The following MAGI2 variants were observed in gnomAD, a reference collection of about 807,000 sequenced individuals.
MAGI2 encodes the protein membrane-associated guanylate kinase, WW and PDZ domain-containing protein 2.
MAGI2 carries 35 observed loss-of-function variants against 133.3 expected under a neutral mutation model. The ratio of observed to expected loss-of-function variants is 0.26; its 90% confidence interval spans 0.20 to 0.35. The LOEUF (loss-of-function observed/expected upper bound fraction) is 0.35, where lower values mean the gene tolerates loss of function less well. Among genes scored for constraint, MAGI2 ranks in the 10% least tolerant of loss-of-function variants. The pLI is 1.00. For synonymous variants in MAGI2, 729 were observed against 710.6 expected (o/e 1.03, Z -0.41); for missense variants, 1,636 against 1,863.4 (o/e 0.88, Z 2.25).
chr7:78,372,599 A>G (rs1294769943), intron 6 of MAGI2, among the ~76,000 whole-genome samples: 2 of 152,198 alleles, frequency 1.3e-5, no homozygotes, highest in African/African-American at 4.8e-5. Context: ...TTAATGTTGC[A>G]TTAAGAACTG....
chr7:79,253,805 T>C (rs900132404), intron 1 of MAGI2, among the ~76,000 whole-genome samples: 4 of 152,214 alleles, frequency 2.6e-5, no homozygotes, highest in Admixed American at 2.6e-4. Context: ...ATTCATGTTG[T>C]ATTCAAAGTG....
chr7:78,573,823 G>T (rs1801989777), intron 3 of MAGI2, among the ~76,000 whole-genome samples: 1 of 151,990 alleles, frequency 6.6e-6, no homozygotes, highest in Admixed American at 6.6e-5. Context: ...CAAGTACCCG[G>T]AGCTATTTGC....
At chr7:78,622,115 A>G (rs1807809058) in intron 3 of MAGI2, among the ~76,000 whole-genome samples, 1 of 152,030 alleles carries the variant, frequency 6.6e-6, no homozygotes, top group South Asian at 2.1e-4. Context: ...CAATTTTGGA[A>G]GCATTTCAGA....
chr7:78,430,265 T>TC (rs60319179), intron 6 of MAGI2, among the ~76,000 whole-genome samples: 2 of 144,094 alleles, frequency 1.4e-5, no homozygotes, highest in Admixed American at 7.0e-5. Context: ...TTTTTTTTTT[T>TC]AATAAGAGGG....
At chr7:78,454,595 T>C (rs6466222) in intron 6 of MAGI2, among the ~76,000 whole-genome samples, 50,426 of 152,072 alleles carry the variant, frequency 0.33, 10,892 homozygotes, top group African/African-American at 0.63. Context: ...TCAAAACTTA[T>C]GTCCACACAA....
At chr7:78,098,359 A>C (rs1197085002) in intron 20 of MAGI2, among the ~76,000 whole-genome samples, 1 of 152,172 alleles carries the variant, frequency 6.6e-6, no homozygotes, top group African/African-American at 2.4e-5. Context: ...TACATATGTG[A>C]TTCTGCAACT....
chr7:79,228,922 C>G (rs1831116565), intron 1 of MAGI2, among the ~76,000 whole-genome samples: 1 of 152,102 alleles, frequency 6.6e-6, no homozygotes, highest in Non-Finnish European at 1.5e-5. Flanking sequence ...CCTGCTTTGT[C>G]TACCCAACAC....
At chr7:79,072,072 G>A (rs1815041301) in intron 1 of MAGI2, among the ~76,000 whole-genome samples, 1 of 152,112 alleles carries the variant, frequency 6.6e-6, no homozygotes, top group South Asian at 2.1e-4. Flanking sequence ...TGTGCTTCCA[G>A]GGTGATGCGA....
In MAGI2 at chr7:78,168,072, C is replaced by G. The variant is rs369496058; in HGVS notation, c.2440G>C (p.Asp814His). The G allele has an allele frequency of 4.3e-6, 7 of 1,614,014 alleles. No homozygotes were observed. Among genetic ancestry groups the G allele is most frequent in the Non-Finnish European group, 5.1e-6 (6 of 1,179,992 alleles). ...IGAVIAMGSA[D>H]RDGRLHPGDE... ...CCTGGGTGAAGGCGGCCATCTCTGT[C>G]GGCTGAGCCCATGGCAATGACAGCT... Residue 814 changes from aspartate to histidine, a missense_variant, in exon 15 of 22, where the codon GAC becomes CAC. Asp to His is a moderately conservative substitution (Grantham distance 81). Coordinates refer to ENST00000354212, the MANE Select transcript of MAGI2 (RefSeq NM_012301.4).
intron 2 of MAGI2, among the ~76,000 whole-genome samples, chr7:78,664,535 C>A (rs1013521278): frequency 2.6e-5 from 4 of 151,818 alleles, no homozygotes; most frequent in African/African-American, 9.7e-5. Context: ...TAGCTTTATG[C>A]ACTAGTATGT....
At chr7:78,034,283 G>A (rs553512702) in intron 21 of MAGI2, among the ~76,000 whole-genome samples, 2 of 152,142 alleles carry the variant, frequency 1.3e-5, no homozygotes, top group African/African-American at 2.4e-5. Flanking sequence ...GAAAAAAGAC[G>A]AAAGGTGCTA....
chr7:78,080,700 C>T (rs1324273011), intron 20 of MAGI2, among the ~76,000 whole-genome samples: 3 of 152,240 alleles, frequency 2.0e-5, no homozygotes, highest in African/African-American at 7.2e-5. Context: ...ACCTCATTGT[C>T]TGTCCAACAG....
intron 14 of MAGI2, chr7:78,170,824 T>C (rs1482691841): frequency 6.6e-6 from 1 of 151,520 alleles, no homozygotes; most frequent in African/African-American, 2.4e-5. Context: ...ATTATATGTA[T>C]ATATTATTAT....
chr7:78,233,493 A>T (rs753232792), intron 10 of MAGI2, among the ~76,000 whole-genome samples: 1 of 152,152 alleles, frequency 6.6e-6, no homozygotes, highest in Non-Finnish European at 1.5e-5. Context: ...AGGAAGTCAG[A>T]TGTTAAGTAA....
chr7:78,625,070 T>C (rs1808198862), intron 3 of MAGI2, among the ~76,000 whole-genome samples: 1 of 152,146 alleles, frequency 6.6e-6, no homozygotes, highest in Admixed American at 6.6e-5. Flanking sequence ...AAGACAGTGA[T>C]ACTGATGATC....
intron 16 of MAGI2, among the ~76,000 whole-genome samples, chr7:78,147,132 C>T (rs1397122849): frequency 6.6e-6 from 1 of 152,154 alleles, no homozygotes; most frequent in African/African-American, 2.4e-5. Context: ...GTTCCACTAA[C>T]AGTGTATACA....
intron 3 of MAGI2, among the ~76,000 whole-genome samples, chr7:78,591,910 A>G (rs924216583): frequency 6.6e-6 from 1 of 152,290 alleles, no homozygotes; most frequent in Non-Finnish European, 1.5e-5. Context: ...AAGCTGCAGC[A>G]TAAGAGAAGA....
intron 1 of MAGI2, among the ~76,000 whole-genome samples, chr7:79,391,651 C>T (rs1305742803): frequency 6.7e-6 from 1 of 150,322 alleles, no homozygotes; most frequent in African/African-American, 2.4e-5. Flanking sequence ...TTTGCTGCAC[C>T]TTTCATGCCG....
intron 1 of MAGI2, among the ~76,000 whole-genome samples, chr7:79,288,265 A>G (rs1836179000): frequency 6.6e-6 from 1 of 152,134 alleles, no homozygotes; most frequent in Admixed American, 6.6e-5. Context: ...GGGAATTATA[A>G]TAGTGTCTAC....
Sources: allele counts gnomAD v4.1 joint callset (sites outside exome capture counted in the v4.1 genomes callset), GRCh38; gene constraint gnomAD v4.1.1; transcripts MANE v1.5; gene names NCBI Gene and HGNC (gene_info 2026-07-23, HGNC 2026-07-21).